SYN3: variants seen among roughly 807,000 people sequenced by gnomAD.
The protein encoded by SYN3 is synapsin-3.
In SYN3, 35 loss-of-function variants were observed where a neutral mutation model predicts 65.8. The observed-to-expected ratio is 0.53, with a 90% CI of 0.41 to 0.70. The LOEUF is 0.70. Ranked by LOEUF, SYN3 falls within the 30% of genes least tolerant of loss-of-function variation. The probability of loss-of-function intolerance (pLI) is 0.00; values close to 1 mark genes in which losing one functional copy is unlikely to be tolerated. For missense variants in SYN3, 680 were observed against 749.0 expected, an observed-to-expected ratio of 0.91 and a Z score of 1.08; for synonymous variants, 270 against 292.9, an observed-to-expected ratio of 0.92 and a Z score of 0.80.
At chr22:32,855,574 G>C (rs551970219) in intron 6 of SYN3, among the ~76,000 whole-genome samples, 1 of 152,194 alleles carries the variant, frequency 6.6e-6, no homozygotes, top group African/African-American at 2.4e-5. Flanking sequence ...CTATAAAATG[G>C]GCATAATAGT....
intron 7 of SYN3, among the ~76,000 whole-genome samples, chr22:32,553,315 C>T (rs1396467801): frequency 6.6e-6 from 1 of 152,048 alleles, no homozygotes; most frequent in Non-Finnish European, 1.5e-5. Context: ...ATGCAGTGAT[C>T]ATTTTGATCC....
At chr22:32,708,391 G>A (rs737825) in intron 6 of SYN3, among the ~76,000 whole-genome samples, 44,397 of 152,184 alleles carry the variant, frequency 0.29, 7,766 homozygotes, top group Non-Finnish European at 0.4. Flanking sequence ...CGATGTAGTA[G>A]GCAGTTTCAG....
rs113029476 is a variant in SYN3, at chr22:32,642,011, C to T, written c.712-45275G>A. ...GCTGGTTAAGTTTCCGGTTAAGGCC[C>T]GGGTGCGGTGGGTCACATCTGAAAT... On this transcript the variant is annotated intron_variant, in intron 6 of 13. Transcript: ENST00000358763. Among the ~76,000 whole-genome samples the T allele has an allele frequency of 4.1e-3, 625 of 152,070 alleles. 4 individuals are homozygous for T. Among genetic ancestry groups the T allele is most frequent in the African/African-American group, 0.014 (568 of 41,462 alleles).
At chr22:32,838,419 C>T (rs1481358816) in intron 6 of SYN3, among the ~76,000 whole-genome samples, 1 of 152,134 alleles carries the variant, frequency 6.6e-6, no homozygotes, top group African/African-American at 2.4e-5. Context: ...GCAGAGGAGT[C>T]AGCAGGTCTA....
intron 1 of SYN3, among the ~76,000 whole-genome samples, chr22:33,035,508 A>G (rs1260879446): frequency 6.6e-6 from 1 of 152,186 alleles, no homozygotes; most frequent in Admixed American, 6.5e-5. Flanking sequence ...AGATCATTCA[A>G]AAGTGACCTT....
In SYN3 at chr22:32,515,911, G is replaced by A. The variant is rs560102460; in HGVS notation, c.1611-2087C>T. 3.3e-5 allele frequency among the ~76,000 whole-genome samples: 5 copies of A among 152,062 alleles called. No individual in the cohort carries two copies. The East Asian group carries it at 7.8e-4, about 24-fold the overall frequency. Reference sequence around the variant, plus strand: ...CCTCCTGGGTTCACGCCATTCTCCTGCCTCAGCCTCCCTAGCAGCTGGGAC... The same window carrying A: ...CCTCCTGGGTTCACGCCATTCTCCTACCTCAGCCTCCCTAGCAGCTGGGAC... On this transcript the variant is annotated intron_variant, in intron 13 of 13. Transcript: ENST00000358763.
chr22:32,556,481 T>A (rs2058497558), intron 7 of SYN3, among the ~76,000 whole-genome samples: 1 of 152,118 alleles, frequency 6.6e-6, no homozygotes, highest in African/African-American at 2.4e-5. Context: ...GGCCATTAAT[T>A]TACATGGCGT....
chr22:32,581,792 C>CTTTTTTT (rs10716395), intron 7 of SYN3, among the ~76,000 whole-genome samples: 24 of 84,298 alleles, frequency 2.8e-4, no homozygotes, highest in Non-Finnish European at 3.3e-4. Context: ...TTCTTTCTTT[C>CTTTTTTT]TTTTTTTTTT....
At chr22:32,652,929 A>C (rs2060093253) in intron 6 of SYN3, among the ~76,000 whole-genome samples, 1 of 152,082 alleles carries the variant, frequency 6.6e-6, no homozygotes, top group Non-Finnish European at 1.5e-5. Flanking sequence ...TTCAGTTCAA[A>C]CCTCACAGTC....
chr22:32,909,828 C>G (rs936363171), intron 4 of SYN3, among the ~76,000 whole-genome samples: 1 of 152,184 alleles, frequency 6.6e-6, no homozygotes, highest in African/African-American at 2.4e-5. Context: ...GCCTCCTAGA[C>G]TCGCCTTTGT....
Position 32,693,592 on chromosome 22 carries a change from G to GTTTTTTTTTTTTTTTTT in SYN3, c.712-96873_712-96857dup, listed in dbSNP as rs1189710191. Among the ~76,000 whole-genome samples the GTTTTTTTTTTTTTTTTT allele has an allele frequency of 8.8e-5, 8 of 90,502 alleles. 1 individual carries two copies. The highest frequency in any genetic ancestry group is 3.9e-4 in the East Asian group (1 of 2,586). 59.4% of individuals were successfully genotyped at this position (90,502 alleles called of 152,430 possible). A position where few individuals can be genotyped will look rare whatever the true frequency, so the allele number is the denominator to read the frequency against. On this transcript the variant is annotated intron_variant, in intron 6 of 13. Coordinates refer to ENST00000358763, the MANE Select transcript of SYN3 (RefSeq NM_003490.4). ...ATATAATATTATTTTTCTGTAGCTT[G>GTTTTTTTTTTTTTTTTT]TTTTTTTTTTTTTTTTTTTTTTTGA...
In SYN3 at chr22:32,510,881, A is replaced by C. The variant is rs550312925; in HGVS notation, c.*2811T>G. On this transcript the variant is annotated 3_prime_UTR_variant, in exon 14 of 14. Coordinates refer to ENST00000358763, the MANE Select transcript of SYN3 (RefSeq NM_003490.4). ...CCTATCTTCTTGGGGGCAAGTGGGG[A>C]AGCCATTCTCCTCTTGAAGCCGGTT... is the stretch of plus-strand genomic sequence containing the variant. 6.6e-6 allele frequency among the ~76,000 whole-genome samples: 1 copy of C among 151,924 alleles called. No homozygotes were observed. Among genetic ancestry groups the C allele is most frequent in the South Asian group, 2.1e-4 (1 of 4,806 alleles).
chr22:32,793,615 T>C (rs1027553658), intron 6 of SYN3, among the ~76,000 whole-genome samples: 2 of 152,206 alleles, frequency 1.3e-5, no homozygotes, highest in Admixed American at 6.5e-5. Context: ...ATTCTGCCAA[T>C]GTTTGGTGAA....
At position 32,553,164 on chromosome 22, in the gene SYN3, A is replaced by T. The variant is rs1415470600; in HGVS notation, c.775-11451T>A. On this transcript the variant is annotated intron_variant, in intron 7 of 13. Coordinates refer to ENST00000358763, the MANE Select transcript of SYN3 (RefSeq NM_003490.4). ...TTACCTCCCATAGATCCCATCTCCA[A>T]ATCCCATCACTTTGGGGATTAAGGC... is the stretch of plus-strand genomic sequence containing the variant. 5.3e-5 allele frequency among the ~76,000 whole-genome samples: 8 copies of T among 152,286 alleles called. No individual in the cohort carries two copies. The South Asian group carries it at 1.5e-3, about 28-fold the overall frequency.
intron 12 of SYN3, 104 bp downstream of exon 12, chr22:32,527,814 G>T: frequency 1.1e-6 from 1 of 948,832 alleles, no homozygotes; most frequent in Non-Finnish European, 1.6e-6. Flanking sequence ...AAGTATTCAG[G>T]TGCATTTTCC....
chr22:32,950,484 T>C (rs1000758813), intron 3 of SYN3, among the ~76,000 whole-genome samples: 3 of 152,192 alleles, frequency 2.0e-5, no homozygotes, highest in African/African-American at 7.2e-5. Flanking sequence ...TGAAAGATAC[T>C]ATCTTTAAGC....
At chr22:32,655,199 C>T (rs2060126090) in intron 6 of SYN3, among the ~76,000 whole-genome samples, 1 of 152,186 alleles carries the variant, frequency 6.6e-6, no homozygotes, top group South Asian at 2.1e-4. Flanking sequence ...TTCTTTTATG[C>T]CACTTCTGCT....
At chr22:32,564,074 G>GTGAT (rs2058624632) in intron 7 of SYN3, among the ~76,000 whole-genome samples, 1 of 152,218 alleles carries the variant, frequency 6.6e-6, no homozygotes, top group Admixed American at 6.5e-5. Context: ...TCCTTAGGCA[G>GTGAT]TGATTGTTGC....
At chr22:32,850,971 G>A (rs2048202398) in intron 6 of SYN3, among the ~76,000 whole-genome samples, 1 of 152,144 alleles carries the variant, frequency 6.6e-6, no homozygotes, top group Non-Finnish European at 1.5e-5. Flanking sequence ...CTGTTGCTTT[G>A]GATTCAATTT....
Sources: allele counts gnomAD v4.1 joint callset (sites outside exome capture counted in the v4.1 genomes callset), GRCh38; gene constraint gnomAD v4.1.1; transcripts MANE v1.5; gene names NCBI Gene and HGNC (gene_info 2026-07-23, HGNC 2026-07-21).